Variants in FAAH2 observed in about 807,000 individuals in gnomAD.
FAAH2 encodes the protein fatty-acid amide hydrolase 2.
In FAAH2, 60 loss-of-function variants were observed where a neutral mutation model predicts 36.9. The observed-to-expected ratio is 1.63, with a 90% confidence interval of 1.32 to 2.02. The LOEUF is 2.02. Ranked by LOEUF, FAAH2 falls within the 30% of genes most tolerant of loss-of-function variation. The probability of loss-of-function intolerance (pLI) is 0.00; values close to 1 mark genes in which losing one functional copy is unlikely to be tolerated. For synonymous variants in FAAH2, 214 were observed against 143.8 expected (o/e 1.49, Z -3.49); for missense variants, 689 against 397.5 (o/e 1.73, Z -6.23).
chrX:57,290,328 G>A, intron 1 of FAAH2: 2 of 724,156 alleles, frequency 2.8e-6, no homozygotes, highest in Non-Finnish European at 3.3e-6. Flanking sequence ...GACAATCCAG[G>A]CTCTTAATGC....
intron 5 of FAAH2, among the ~76,000 whole-genome samples, chrX:57,368,031 A>G (rs931868615): frequency 9.0e-6 from 1 of 111,397 alleles, no homozygotes; most frequent in Non-Finnish European, 1.9e-5. Flanking sequence ...CCATCATTAC[A>G]CCATGCTCAT....
the FAAH2 span, among the ~76,000 whole-genome samples, chrX:57,261,920 G>A: frequency 9.0e-6 from 1 of 111,350 alleles, no homozygotes; most frequent in Non-Finnish European, 1.9e-5. Flanking sequence ...ATGGAAATTA[G>A]GAAACATCAA....
the FAAH2 span, among the ~76,000 whole-genome samples, chrX:57,215,858 A>G: frequency 9.4e-6 from 1 of 106,249 alleles, no homozygotes; most frequent in East Asian, 3.0e-4. Flanking sequence ...ACAAATAGCT[A>G]AAAACCTAGA....
At chrX:57,280,536 A>T in the FAAH2 span, among the ~76,000 whole-genome samples, 9 of 45,444 alleles carry the variant, frequency 2.0e-4, no homozygotes, top group South Asian at 3.0e-3. Context: ...GCTAAAATTT[A>T]AAAAAAAAAT....
At chrX:57,318,794 C>A (rs1307933643) in intron 3 of FAAH2, among the ~76,000 whole-genome samples, 2 of 111,848 alleles carry the variant, frequency 1.8e-5, no homozygotes, top group African/African-American at 6.5e-5. Flanking sequence ...AAACTGAATC[C>A]AGCAGTACAT....
intron 10 of FAAH2, among the ~76,000 whole-genome samples, chrX:57,458,634 C>A (rs897803421): frequency 6.2e-5 from 7 of 112,149 alleles, no homozygotes; most frequent in African/African-American, 2.3e-4. Flanking sequence ...TTGAGGTAAC[C>A]TAATCATCTC....
the FAAH2 span, among the ~76,000 whole-genome samples, chrX:57,218,978 G>A: frequency 7.2e-4 from 81 of 111,732 alleles, no homozygotes; most frequent in Non-Finnish European, 1.2e-3. Context: ...ATAACTCCTC[G>A]CTTCTCAGGC....
At chrX:57,468,708 G>T (rs970064666) in intron 10 of FAAH2, among the ~76,000 whole-genome samples, 1 of 111,558 alleles carries the variant, frequency 9.0e-6, no homozygotes, top group East Asian at 2.8e-4. Context: ...CCCCAATCTA[G>T]CAAGGTAGGC....
the FAAH2 span, among the ~76,000 whole-genome samples, chrX:57,148,265 G>A: frequency 1.8e-5 from 2 of 111,314 alleles, no homozygotes; most frequent in South Asian, 3.8e-4. Context: ...GGTTCCATAT[G>A]AACTTTAAAG....
intron 2 of FAAH2, among the ~76,000 whole-genome samples, chrX:57,306,276 G>A (rs111461076): frequency 1.8e-5 from 2 of 111,101 alleles, no homozygotes; most frequent in African/African-American, 6.5e-5. Context: ...TAGAGTGCTG[G>A]CCTTTACTCT....
chrX:57,412,376 C>G (rs1486575474), intron 7 of FAAH2, among the ~76,000 whole-genome samples: 1 of 110,862 alleles, frequency 9.0e-6, no homozygotes, highest in Non-Finnish European at 1.9e-5. Context: ...TCCCCTAGCA[C>G]CCCACCCTAT....
chrX:57,310,512 A>G, intron 2 of FAAH2, 81 bp from the exon 3 acceptor site: 4 of 1,026,690 alleles, frequency 3.9e-6, no homozygotes, highest in Non-Finnish European at 5.2e-6. Context: ...ACATATTAAC[A>G]TGTTGATATG....
chrX:57,140,114 C>T, the FAAH2 span, among the ~76,000 whole-genome samples: 3 of 111,068 alleles, frequency 2.7e-5, no homozygotes, highest in Non-Finnish European at 5.7e-5. Flanking sequence ...ATTTTGTAGT[C>T]ATTGTAAAAG....
At chrX:57,216,594 A>ATACGTATATATATACGTATATATACG in the FAAH2 span, among the ~76,000 whole-genome samples, 2 of 45,451 alleles carry the variant, frequency 4.4e-5, no homozygotes, top group African/African-American at 2.0e-4. Context: ...ATATGTATAT[A>ATACGTATATATATACGTATATATACG]TATGTATATA....
the FAAH2 span, among the ~76,000 whole-genome samples, chrX:57,123,248 C>T: frequency 2.7e-5 from 3 of 111,240 alleles, no homozygotes; most frequent in East Asian, 2.8e-4. Context: ...TGAGAACATG[C>T]GGTGTTTGGT....
At chrX:57,295,936 G>A (rs750410115) in intron 2 of FAAH2, among the ~76,000 whole-genome samples, 54 of 112,497 alleles carry the variant, frequency 4.8e-4, no homozygotes, top group Non-Finnish European at 8.5e-4. Flanking sequence ...GGCTTGAGTA[G>A]GTAAACAAAG....
At chrX:57,247,460 G>T in the FAAH2 span, among the ~76,000 whole-genome samples, 2 of 110,872 alleles carry the variant, frequency 1.8e-5, no homozygotes, top group African/African-American at 6.6e-5. Context: ...ATTTAAAGAA[G>T]AGTTTCTCTC....
intron 5 of FAAH2, among the ~76,000 whole-genome samples, chrX:57,341,991 C>A (rs910587222): frequency 9.0e-6 from 1 of 111,526 alleles, no homozygotes; most frequent in Non-Finnish European, 1.9e-5. Flanking sequence ...AACTTAAAAT[C>A]TTCTAGGCTT....
the FAAH2 span, among the ~76,000 whole-genome samples, chrX:57,184,563 C>T: frequency 8.9e-6 from 1 of 112,496 alleles, no homozygotes; most frequent in African/African-American, 3.2e-5. Flanking sequence ...CACTATAGCC[C>T]TGGACAATTA....
Sources: gnomAD v4.1 joint callset for allele counts (sites outside exome capture counted in the v4.1 genomes callset) on GRCh38, gnomAD v4.1.1 for gene constraint, MANE v1.5 for transcripts, NCBI Gene and HGNC (gene_info 2026-07-23, HGNC 2026-07-21) for gene names.